The following ZNF385B variants were observed in gnomAD, a reference collection of about 807,000 sequenced individuals.
The protein encoded by ZNF385B is zinc finger protein 533.
ZNF385B carries 23 observed loss-of-function variants against 39.2 expected under a neutral mutation model. That is an observed-to-expected ratio of 0.59 (90% CI 0.42 to 0.83). The LOEUF (loss-of-function observed/expected upper bound fraction) is 0.83, where lower values mean the gene tolerates loss of function less well. ZNF385B is among the 40% of genes least tolerant of loss of function. ZNF385B has a pLI of 0.00. For missense variants in ZNF385B, 552 were observed against 598.9 expected, an observed-to-expected ratio of 0.92 and a Z score of 0.82; for synonymous variants, 205 against 222.6, an observed-to-expected ratio of 0.92 and a Z score of 0.70.
intron 4 of ZNF385B, among the ~76,000 whole-genome samples, chr2:179,522,527 T>A (rs2058577798): frequency 1.6e-5 from 1 of 62,752 alleles, no homozygotes; most frequent in Admixed American, 1.9e-4. Context: ...CAGTCAAAAC[T>A]ATGTTCTATA....
At chr2:179,744,500 A>G (rs896877387) in intron 3 of ZNF385B, among the ~76,000 whole-genome samples, 6 of 152,134 alleles carry the variant, frequency 3.9e-5, no homozygotes, top group Non-Finnish European at 7.4e-5. Context: ...CTAGCAAGAT[A>G]GTGGCCCTGG....
At chr2:179,775,468 G>A (rs1704259760) in intron 1 of ZNF385B, among the ~76,000 whole-genome samples, 1 of 152,112 alleles carries the variant, frequency 6.6e-6, no homozygotes, top group Admixed American at 6.5e-5. Flanking sequence ...TTATTCCTTA[G>A]CAATTGATTT....
At chr2:179,520,749 T>C (rs2058427153) in intron 4 of ZNF385B, among the ~76,000 whole-genome samples, 1 of 152,234 alleles carries the variant, frequency 6.6e-6, no homozygotes, top group African/African-American at 2.4e-5. Context: ...CATCTGGTGA[T>C]ATGTGAACTA....
intron 3 of ZNF385B, among the ~76,000 whole-genome samples, chr2:179,664,606 A>G (rs1694915731): frequency 6.6e-6 from 1 of 152,202 alleles, no homozygotes; most frequent in Non-Finnish European, 1.5e-5. Context: ...ATAATCACAA[A>G]CATATGGACA....
intron 3 of ZNF385B, among the ~76,000 whole-genome samples, chr2:179,592,509 C>T (rs893952318): frequency 6.6e-6 from 1 of 152,054 alleles, no homozygotes; most frequent in Non-Finnish European, 1.5e-5. Flanking sequence ...AACTCCATGT[C>T]GTCTTTACCA....
In ZNF385B at chr2:179,769,571, A is replaced by T; in HGVS notation, c.230T>A (p.Val77Glu). ...HSNGKSHRKRVKQLSDGQPPP... is the reference protein window; with the variant it reads ...HSNGKSHRKREKQLSDGQPPP... ...GGGCTGCCCATCACTCAGCTGCTTC[A>T]CTCGTTTGCGGTGGGATTTGCCGTT... Residue 77 changes from valine to glutamate, a missense_variant, in exon 3 of 10, where the codon GTG (valine) becomes GAG (glutamate). Transcript: ENST00000410066. 1 of 1,613,488 alleles carries T rather than the reference A, an allele frequency of 6.2e-7. No individual in the cohort carries two copies. The highest frequency in any genetic ancestry group is 8.5e-7 in the Non-Finnish European group (1 of 1,179,880).
intron 3 of ZNF385B, among the ~76,000 whole-genome samples, chr2:179,618,053 CAT>C (rs1165831278): frequency 6.6e-6 from 1 of 152,110 alleles, no homozygotes; most frequent in Admixed American, 6.5e-5. Context: ...ACAAAAGAAA[CAT>C]GTGATTAGAA....
At chr2:179,719,966 C>T (rs1036798434) in intron 3 of ZNF385B, among the ~76,000 whole-genome samples, 3 of 152,168 alleles carry the variant, frequency 2.0e-5, no homozygotes, top group East Asian at 1.9e-4. Flanking sequence ...TTCATATATT[C>T]GTAATCAGAT....
intron 3 of ZNF385B, among the ~76,000 whole-genome samples, chr2:179,725,569 G>A (rs1700953137): frequency 6.6e-6 from 1 of 151,292 alleles, no homozygotes; most frequent in African/African-American, 2.4e-5. Flanking sequence ...CTTTTTCACA[G>A]TATAGTTTTG....
At chr2:179,634,046 C>G (rs1433163069) in intron 3 of ZNF385B, among the ~76,000 whole-genome samples, 2 of 152,144 alleles carry the variant, frequency 1.3e-5, no homozygotes, top group Admixed American at 1.3e-4. Context: ...ACACCTTATA[C>G]AAAAATTAAT....
chr2:179,762,701 C>A (rs1703473883), intron 3 of ZNF385B, among the ~76,000 whole-genome samples: 1 of 152,062 alleles, frequency 6.6e-6, no homozygotes, highest in African/African-American at 2.4e-5. Flanking sequence ...ATAATACTAG[C>A]CTCATAAAAT....
intron 3 of ZNF385B, among the ~76,000 whole-genome samples, chr2:179,755,629 A>G (rs541305131): frequency 1.3e-5 from 2 of 152,260 alleles, no homozygotes; most frequent in Non-Finnish European, 2.9e-5. Flanking sequence ...TATTGGGTGC[A>G]TATATATTTA....
chr2:179,563,827 T>A (rs1327574633), intron 3 of ZNF385B, among the ~76,000 whole-genome samples: 1 of 152,142 alleles, frequency 6.6e-6, no homozygotes, highest in Non-Finnish European at 1.5e-5. Context: ...ATGATAGCTC[T>A]CCCCTAAGAA....
chr2:179,859,723 C>T (rs1339160557), intron 1 of ZNF385B, among the ~76,000 whole-genome samples: 2 of 152,202 alleles, frequency 1.3e-5, no homozygotes, highest in Non-Finnish European at 2.9e-5. Context: ...ACAACCAACA[C>T]TTTGATCAAA....
Position 179,770,591 on chromosome 2 carries a change from T to C in ZNF385B, c.-73A>G, listed in dbSNP as rs1038853118. 3 of 152,220 alleles carry C rather than the reference T, an allele frequency of 2.0e-5. No homozygotes were observed. The highest frequency in any genetic ancestry group is 2.9e-5 in the Non-Finnish European group (2 of 68,046). The allele number at this position is 152,220 out of a possible 1,614,324, so 9.4% of individuals were successfully genotyped here. On this transcript the variant is annotated 5_prime_UTR_variant, in exon 2 of 10. Coordinates refer to ENST00000410066, the MANE Select transcript of ZNF385B (RefSeq NM_152520.6). ...ATTTGGACATATTTTCTTATTCTTGTAGTGAAACAAACTGTTTTTCGGTTT... is the reference window on the plus strand; with the variant it reads ...ATTTGGACATATTTTCTTATTCTTGCAGTGAAACAAACTGTTTTTCGGTTT...
At chr2:179,669,348 C>T (rs1001694546) in intron 3 of ZNF385B, among the ~76,000 whole-genome samples, 1 of 152,154 alleles carries the variant, frequency 6.6e-6, no homozygotes, top group African/African-American at 2.4e-5. Context: ...ATATTAAAAC[C>T]ATCTCAGGAG....
chr2:179,606,473 C>T (rs968793836), intron 3 of ZNF385B, among the ~76,000 whole-genome samples: 1 of 152,126 alleles, frequency 6.6e-6, no homozygotes, highest in African/African-American at 2.4e-5. Context: ...TGACTCTTCA[C>T]ATATTTATCC....
intron 5 of ZNF385B, among the ~76,000 whole-genome samples, chr2:179,502,904 T>A (rs1322070271): frequency 6.6e-6 from 1 of 152,188 alleles, no homozygotes; most frequent in Non-Finnish European, 1.5e-5. Context: ...TGCCATCATC[T>A]TTTGTTTCAA....
chr2:179,805,788 C>T (rs1209696304), intron 1 of ZNF385B, among the ~76,000 whole-genome samples: 1 of 152,172 alleles, frequency 6.6e-6, no homozygotes, highest in African/African-American at 2.4e-5. Flanking sequence ...CCTCCTTCTG[C>T]TATTATAAAG....
Sources: gnomAD v4.1 joint callset for allele counts (sites outside exome capture counted in the v4.1 genomes callset) on GRCh38, gnomAD v4.1.1 for gene constraint, MANE v1.5 for transcripts, NCBI Gene and HGNC (gene_info 2026-07-23, HGNC 2026-07-21) for gene names.